Variants in EVC observed in about 807,000 individuals in gnomAD.
EVC encodes the protein EvC ciliary complex subunit 1.
A neutral mutation model predicts 118.9 loss-of-function variants in EVC; 116 were observed. That is an observed-to-expected ratio of 0.98 (90% CI 0.84 to 1.14). The LOEUF is 1.14. Ranked by LOEUF, EVC falls within the 50% of genes most tolerant of loss-of-function variation. The probability of loss-of-function intolerance (pLI) is 0.00; values close to 1 mark genes in which losing one functional copy is unlikely to be tolerated. For missense variants in EVC, 1,401 were observed against 1,246.4 expected, an observed-to-expected ratio of 1.12 and a Z score of -1.87; for synonymous variants, 619 against 534.7, an observed-to-expected ratio of 1.16 and a Z score of -2.18.
At position 5,756,843 on chromosome 4, in the gene EVC, C is replaced by T. The variant is rs1055806107; in HGVS notation, c.1563+481C>T. Among the ~76,000 whole-genome samples, 1 of 152,126 alleles carries T rather than the reference C, an allele frequency of 6.6e-6. No individual in the cohort carries two copies. The highest frequency in any genetic ancestry group is 1.9e-4 in the East Asian group (1 of 5,170). On this transcript the variant is annotated intron_variant, in intron 11 of 20. Coordinates refer to ENST00000264956, the MANE Select transcript of EVC (RefSeq NM_153717.3). The surrounding 1 kb of genome is among the most constrained non-coding windows in gnomAD (Gnocchi z 4.2). Reference sequence around the variant, plus strand: ...GCCCTGCAGGGTGACTTTCAGAGAGCAGGAGAGGGCACCTGAGCCCTCTTT... The same window carrying T: ...GCCCTGCAGGGTGACTTTCAGAGAGTAGGAGAGGGCACCTGAGCCCTCTTT...
chr4:5,796,770 C>T (rs773761532), intron 13 of EVC, among the ~76,000 whole-genome samples: 59 of 151,762 alleles, frequency 3.9e-4, no homozygotes, highest in Non-Finnish European at 1.3e-4. Flanking sequence ...TGGCTGCATA[C>T]CATAGGCTGC....
intron 18 of EVC, among the ~76,000 whole-genome samples, chr4:5,808,727 C>T (rs1263669127): frequency 1.3e-5 from 2 of 152,210 alleles, no homozygotes; most frequent in South Asian, 2.1e-4. Context: ...TTATTTACAG[C>T]AAACAGGAAG....
the EVC span, chr4:5,826,080 C>T: frequency 4.0e-6 from 1 of 251,532 alleles, no homozygotes; most frequent in Admixed American, 6.2e-5. Flanking sequence ...GCATACATGC[C>T]CACACACACA....
chr4:5,811,430 C>G lies in EVC; in HGVS notation c.*393C>G, dbSNP rs1476087857. The G allele has an allele frequency of 7.1e-6, 2 of 280,420 alleles. No individual in the cohort carries two copies. The highest frequency in any genetic ancestry group is 1.4e-5 in the Non-Finnish European group (2 of 145,456). The allele number at this position is 280,420 out of a possible 1,614,324, so 17.4% of individuals were successfully genotyped here. On this transcript the variant is annotated 3_prime_UTR_variant, in exon 21 of 21. Transcript: ENST00000264956. Reference sequence around the variant, plus strand: ...ATCTGGGGCTGAGGACACACAGATACATAATGACACCTGCAGAAATGTATT... The same window carrying G: ...ATCTGGGGCTGAGGACACACAGATAGATAATGACACCTGCAGAAATGTATT...
rs1351398655 is a variant in EVC, at chr4:5,748,786, ATCCATCCATCCATCCATCCG to A, written c.1098+483_1098+502del. Among the ~76,000 whole-genome samples, 112 of 109,862 alleles carry A rather than the reference ATCCATCCATCCATCCATCCG, an allele frequency of 1.0e-3. 3 individuals carry two copies. Among genetic ancestry groups the A allele is most frequent in the Non-Finnish European group, 2.2e-4 (11 of 50,352 alleles). 72.1% of individuals were successfully genotyped at this position (109,862 alleles called of 152,430 possible). ...CATCCATCCATCCATCCACCCATCCATCCATCCATCCATCCATCCGTCTATCCAATGAGTGAAGGCTCTGG... is the reference window on the plus strand; with the variant it reads ...CATCCATCCATCCATCCACCCATCCATCTATCCAATGAGTGAAGGCTCTGG... On this transcript the variant is annotated intron_variant, in intron 8 of 20. Coordinates refer to ENST00000264956, the MANE Select transcript of EVC (RefSeq NM_153717.3).
intron 12 of EVC, among the ~76,000 whole-genome samples, chr4:5,791,452 C>T (rs1309615995): frequency 2.6e-5 from 4 of 152,032 alleles, no homozygotes; most frequent in Admixed American, 6.6e-5. Flanking sequence ...TAGAAAGGAG[C>T]GCTTTAGATG....
At chr4:5,729,271 A>T (rs1292312445) in intron 2 of EVC, 36 bp from the exon 3 acceptor site, 14 of 1,603,464 alleles carry the variant, frequency 8.7e-6, no homozygotes, top group South Asian at 1.1e-5. Context: ...CATTTTACAG[A>T]AAGTTTCCCA....
chr4:5,805,514 A>G (rs1438332442), intron 17 of EVC, among the ~76,000 whole-genome samples: 1 of 152,206 alleles, frequency 6.6e-6, no homozygotes, highest in African/African-American at 2.4e-5. Flanking sequence ...CCAGCAAACT[A>G]CAGTCTGGCA....
At chr4:5,806,102 CAG>C (rs1715866305) in intron 17 of EVC, among the ~76,000 whole-genome samples, 2 of 149,546 alleles carry the variant, frequency 1.3e-5, no homozygotes, top group Non-Finnish European at 3.0e-5. Flanking sequence ...TTTTTTGAGA[CAG>C]AGTCTTGCTC....
Position 5,754,691 on chromosome 4 carries a change from G to A in EVC, c.1464+758G>A, listed in dbSNP as rs1305364826. On this transcript the variant is annotated intron_variant, in intron 10 of 20. Coordinates refer to ENST00000264956, the MANE Select transcript of EVC (RefSeq NM_153717.3). This position sits in a 1 kb window ranked among gnomAD's most constrained non-coding sequence, Gnocchi z 5.8. The stretch of plus-strand genomic sequence containing the variant: ...AGGCCAGCCACACTTGGGTTTGGGT[G>A]CTGACTCTGCCACTAAATAGCTGGG... 1.3e-5 allele frequency among the ~76,000 whole-genome samples: 2 copies of A among 152,142 alleles called. No homozygotes were observed. Among genetic ancestry groups the A allele is most frequent in the African/African-American group, 4.8e-5 (2 of 41,430 alleles).
At chr4:5,814,703 A>C (rs1717407040), downstream of EVC, among the ~76,000 whole-genome samples, 1 of 151,754 alleles carries the variant, frequency 6.6e-6, no homozygotes, top group African/African-American at 2.4e-5. Flanking sequence ...CACATGGGCC[A>C]CACCCCTGCC....
At chr4:5,764,634 A>G (rs1201728393) in intron 11 of EVC, among the ~76,000 whole-genome samples, 12 of 145,712 alleles carry the variant, frequency 8.2e-5, no homozygotes, top group Non-Finnish European at 1.2e-4. Context: ...GTCTTGGGAG[A>G]GTGTATGTGT....
intron 12 of EVC, among the ~76,000 whole-genome samples, chr4:5,784,741 G>A (rs1335095691): frequency 1.3e-5 from 2 of 151,308 alleles, no homozygotes; most frequent in Non-Finnish European, 2.9e-5. Context: ...CCAAGTAGCT[G>A]GGATTACAGG....
chr4:5,745,475 G>T, intron 7 of EVC, 134 bp downstream of exon 7: 1 of 903,912 alleles, frequency 1.1e-6, no homozygotes, highest in South Asian at 1.5e-5. Flanking sequence ...CTAGAGGCAG[G>T]ATCCAGTTTC....
Position 5,719,535 on chromosome 4 carries a change from G to T in EVC, c.300+162G>T, listed in dbSNP as rs1429898072. 6.6e-6 allele frequency among the ~76,000 whole-genome samples: 1 copy of T among 152,196 alleles called. No homozygotes were observed. Among genetic ancestry groups the T allele is most frequent in the African/African-American group, 2.4e-5 (1 of 41,434 alleles). ...CATACAGTCAAATGCGCAGACTTTAGGTTTTACAGTTTGATGAGTTTTGAC... is the reference window on the plus strand; with the variant it reads ...CATACAGTCAAATGCGCAGACTTTATGTTTTACAGTTTGATGAGTTTTGAC... On this transcript the variant is annotated intron_variant, in intron 2 of 20. Coordinates refer to ENST00000264956, the MANE Select transcript of EVC (RefSeq NM_153717.3). The surrounding 1 kb of genome is among the most constrained non-coding windows in gnomAD (Gnocchi z 4.7).
At chr4:5,786,541 A>G (rs1162211512) in intron 12 of EVC, among the ~76,000 whole-genome samples, 1 of 152,202 alleles carries the variant, frequency 6.6e-6, no homozygotes, top group East Asian at 1.9e-4. Flanking sequence ...CAAGGTGTCT[A>G]TGTCACAGTT....
Position 5,745,322 on chromosome 4 carries a change from C to T in EVC, c.920C>T (p.Ser307Phe). ...ADVEKKEREY[S>F]EQLIDNMEAF... ...GTGGAAAAGAAGGAGAGAGAATACTCTGAACAGCTAATCGATAATGTGCGT... is the reference window on the plus strand; with the variant it reads ...GTGGAAAAGAAGGAGAGAGAATACTTTGAACAGCTAATCGATAATGTGCGT... The change falls in exon 7 of 21, where the codon TCT (serine) becomes TTT (phenylalanine). Residue 307 changes from serine (S) to phenylalanine (F), a missense_variant. Coordinates refer to ENST00000264956, the MANE Select transcript of EVC (RefSeq NM_153717.3). The T allele has an allele frequency of 6.2e-7, 1 of 1,614,054 alleles. No individual in the cohort carries two copies. Among genetic ancestry groups the T allele is most frequent in the Non-Finnish European group, 8.5e-7 (1 of 1,179,966 alleles).
chr4:5,825,100 G>T, the EVC span: 1 of 985,394 alleles, frequency 1.0e-6, no homozygotes, highest in Non-Finnish European at 1.2e-6. This position sits in a 1 kb window ranked among gnomAD's most constrained non-coding sequence, Gnocchi z 4.4. Context: ...GGGTGAACAG[G>T]CTAAAGACTT....
chr4:5,734,346 A>T lies in EVC; in HGVS notation c.702+911A>T, dbSNP rs149117681. On this transcript the variant is annotated intron_variant, in intron 5 of 20. Coordinates refer to ENST00000264956, the MANE Select transcript of EVC (RefSeq NM_153717.3). ...TCTTACAAACTGGAGAAGAGCAAGA[A>T]CATCACGTTGGAGGCCAGGCATGGT... Among the ~76,000 whole-genome samples the T allele has an allele frequency of 4.7e-4, 71 of 152,312 alleles. 2 individuals are homozygous for T. The East Asian group carries it at 0.014, about 29-fold the overall frequency.
Sources: gnomAD v4.1 joint callset for allele counts (sites outside exome capture counted in the v4.1 genomes callset) on GRCh38, gnomAD v4.1.1 for gene constraint, Gnocchi (gnomAD v3.1) non-coding constraint, MANE v1.5 for transcripts, NCBI Gene and HGNC (gene_info 2026-07-23, HGNC 2026-07-21) for gene names.